Variants in ZNF136 observed in about 807,000 individuals in gnomAD.
ZNF136 encodes the protein zinc finger protein 136.
A neutral mutation model predicts 11.4 loss-of-function variants in ZNF136; 8 were observed. That is an observed-to-expected ratio of 0.70 (90% CI 0.41 to 1.27). The LOEUF (loss-of-function observed/expected upper bound fraction) is 1.27, where lower values mean the gene tolerates loss of function less well. Ranked by LOEUF, ZNF136 falls within the 50% of genes most tolerant of loss-of-function variation. ZNF136 has a pLI of 0.01. For synonymous variants in ZNF136, 190 were observed against 207.1 expected, an observed-to-expected ratio of 0.92 and a Z score of 0.71; for missense variants, 590 against 656.5, an observed-to-expected ratio of 0.90 and a Z score of 1.11.
chr19:12,184,272 AAAAG>A (rs1444651766), intron 1 of ZNF136, among the ~76,000 whole-genome samples: 1 of 138,908 alleles, frequency 7.2e-6, no homozygotes, highest in African/African-American at 2.7e-5. Flanking sequence ...TCCAAAAAAA[AAAAG>A]AGGGCTGGGT....
At position 12,186,643 on chromosome 19, in the gene ZNF136, A is replaced by G; in HGVS notation, c.265A>G (p.Asn89Asp). The G allele has an allele frequency of 1.2e-6, 2 of 1,614,168 alleles. No homozygotes were observed. Among genetic ancestry groups the G allele is most frequent in the African/African-American group, 2.7e-5 (2 of 75,056 alleles). The change falls in exon 4 of 4, where the codon AAT becomes GAT. Residue 89 changes from asparagine (N) to aspartate (D), a missense_variant. Transcript: ENST00000343979. ...TGGAGGAATTTTTAGCCAGTTTGCA[A>G]ATCAGAATCTGAGCAAGAAAATCCC... ...QRGGIFSQFA[N>D]QNLSKKIPGV...
rs774530109 is a variant in ZNF136, at chr19:12,187,567, T to C, written c.1189T>C (p.Cys397Arg). The C allele has an allele frequency of 6.2e-7, 1 of 1,614,166 alleles. No individual in the cohort carries two copies. Among genetic ancestry groups the C allele is most frequent in the Admixed American group, 1.7e-5 (1 of 60,020 alleles). ...TGEGPYKCKV[C>R]GKPFHSLSPF... ...AGAAGGACCTTATAAATGTAAGGTA[T>C]GTGGGAAACCCTTTCATTCTCTGAG... is the stretch of plus-strand genomic sequence containing the variant. The change falls in exon 4 of 4, where the codon TGT becomes CGT. Residue 397 changes from cysteine to arginine, a missense_variant. By Grantham distance (180) the Cys-to-Arg change is radical (BLOSUM62 -3). Transcript: ENST00000343979.
intron 1 of ZNF136, among the ~76,000 whole-genome samples, chr19:12,174,892 C>G (rs947081448): frequency 3.1e-5 from 4 of 129,392 alleles, no homozygotes; most frequent in Non-Finnish European, 6.2e-5. Context: ...GAATCTTGCT[C>G]TGTTGCCCAG....
intron 1 of ZNF136, among the ~76,000 whole-genome samples, chr19:12,166,747 C>T (rs770430900): frequency 5.3e-5 from 8 of 152,130 alleles, no homozygotes; most frequent in Admixed American, 2.0e-4. Flanking sequence ...TGTAAATGTG[C>T]CTTAATTTTC....
At chr19:12,175,195 G>T (rs1012609025) in intron 1 of ZNF136, among the ~76,000 whole-genome samples, 3 of 142,838 alleles carry the variant, frequency 2.1e-5, no homozygotes, top group South Asian at 2.2e-4. Context: ...GTTTTCTTTC[G>T]ATTTTTTTTT....
At chr19:12,181,791 C>T (rs747190623) in intron 1 of ZNF136, among the ~76,000 whole-genome samples, 3 of 152,134 alleles carry the variant, frequency 2.0e-5, no homozygotes, top group South Asian at 2.1e-4. Context: ...CCCACCACTA[C>T]GCCCGGCTAA....
At chr19:12,186,001 A>G in intron 2 of ZNF136, 90 bp downstream of exon 2, 9 of 1,600,046 alleles carry the variant, frequency 5.6e-6, no homozygotes, top group Non-Finnish European at 7.7e-6. Flanking sequence ...TCATGGAGGG[A>G]GAGTACTTGG....
chr19:12,163,237 AG>A (rs778767340), intron 1 of ZNF136, 31 bp downstream of exon 1: 6 of 1,374,416 alleles, frequency 4.4e-6, no homozygotes, highest in East Asian at 5.5e-5. Context: ...GTCCCGAGAC[AG>A]GGAGGAGGGG....
chr19:12,169,032 TGAG>T (rs929226743), intron 1 of ZNF136, among the ~76,000 whole-genome samples: 5 of 152,164 alleles, frequency 3.3e-5, no homozygotes, highest in African/African-American at 1.2e-4. Flanking sequence ...TTATTGAAAT[TGAG>T]GAGCGTTTGT....
chr19:12,182,301 G>C (rs1473463966), intron 1 of ZNF136, among the ~76,000 whole-genome samples: 1 of 151,962 alleles, frequency 6.6e-6, no homozygotes, highest in African/African-American at 2.4e-5. Context: ...TTGCATTGAG[G>C]TTCCCCTTTG....
chr19:12,172,016 C>G (rs1168798388), intron 1 of ZNF136, among the ~76,000 whole-genome samples: 1 of 147,624 alleles, frequency 6.8e-6, no homozygotes, highest in East Asian at 2.0e-4. Context: ...TCTCGCTCTG[C>G]CACCCAGGCT....
chr19:12,164,785 C>A (rs1236163240), intron 1 of ZNF136: 2 of 152,136 alleles, frequency 1.3e-5, no homozygotes, highest in Non-Finnish European at 2.9e-5. Context: ...TTTAAATGAA[C>A]GGGCACATAG....
At chr19:12,163,293 C>T in intron 1 of ZNF136, 87 bp downstream of exon 1, 1 of 1,317,754 alleles carries the variant, frequency 7.6e-7, no homozygotes, top group East Asian at 2.8e-5. Context: ...CCGGGCCTTC[C>T]CGTGGGCGAC....
intron 1 of ZNF136, among the ~76,000 whole-genome samples, chr19:12,168,652 C>A (rs1331419036): frequency 6.6e-6 from 1 of 151,770 alleles, no homozygotes; most frequent in Non-Finnish European, 1.5e-5. Flanking sequence ...TCATATATAT[C>A]TTTTCCATTT....
chr19:12,185,939 G>A (rs1286180277), intron 2 of ZNF136, 28 bp downstream of exon 2: 1 of 1,610,658 alleles, frequency 6.2e-7, no homozygotes, highest in Admixed American at 1.7e-5. Context: ...CCATCACTTA[G>A]CAATTAAAGA....
In ZNF136 at chr19:12,187,657, A is replaced by T; in HGVS notation, c.1279A>T (p.Lys427Ter). 1 of 1,614,168 alleles carries T rather than the reference A, an allele frequency of 6.2e-7. No homozygotes were observed. Among genetic ancestry groups the T allele is most frequent in the Non-Finnish European group, 8.5e-7 (1 of 1,180,022 alleles). Residue 427 changes from lysine to a stop codon, truncating the protein, a stop_gained, in exon 4 of 4, where the codon AAA becomes TAA. Coordinates refer to ENST00000343979, the MANE Select transcript of ZNF136 (RefSeq NM_003437.5). LOFTEE classifies it low-confidence loss of function (END_TRUNC). ...ACCTTATGTATGTAAACATTGTGGTAAAGCTTTCGTTTCTTCAACATCAAT... is the reference window on the plus strand; with the variant it reads ...ACCTTATGTATGTAAACATTGTGGTTAAGCTTTCGTTTCTTCAACATCAAT... Reference protein sequence around the residue: ...EKPYVCKHCGKAFVSSTSIRI... With the variant: ...EKPYVCKHCG
chr19:12,185,735 G>A lies in ZNF136; in HGVS notation c.4-50G>A, dbSNP rs142119990. On this transcript the variant is annotated intron_variant, in intron 1 of 3. Transcript: ENST00000343979. ...CTTATGAATTGAGTACAGCTCCCCA[G>A]CCCTGTCTGTCTCACCCATTCTCCT... 473 of 1,594,564 alleles carry A rather than the reference G, an allele frequency of 3.0e-4. 2 individuals carry two copies. The African/African-American group carries it at 5.9e-3, about 20-fold the overall frequency.
In ZNF136 at chr19:12,186,153, A is replaced by G. The variant is rs1915077096; in HGVS notation, c.170A>G (p.Lys57Arg). Residue 57 changes from lysine to arginine, a missense_variant, in exon 3 of 4, where the codon AAA becomes AGA. Lys to Arg is a conservative substitution (Grantham distance 26). Coordinates refer to ENST00000343979, the MANE Select transcript of ZNF136 (RefSeq NM_003437.5). ...GACCAGAACATTAAAGATCACTACA[A>G]ACACCGAGGGAGAAATCTAAGGTAA... is the stretch of plus-strand genomic sequence containing the variant. ...WKDQNIKDHY[K>R]HRGRNLRSHM... 1 of 1,611,224 alleles carries G rather than the reference A, an allele frequency of 6.2e-7. No individual in the cohort carries two copies. The highest frequency in any genetic ancestry group is 8.5e-7 in the Non-Finnish European group (1 of 1,179,342).
intron 1 of ZNF136, among the ~76,000 whole-genome samples, chr19:12,181,782 C>G (rs1914949542): frequency 6.6e-6 from 1 of 152,036 alleles, no homozygotes. Flanking sequence ...CTACAGGCAC[C>G]CACCACTACG....
Sources: gnomAD v4.1 joint callset for allele counts (sites outside exome capture counted in the v4.1 genomes callset) on GRCh38, gnomAD v4.1.1 for gene constraint, MANE v1.5 for transcripts, NCBI Gene and HGNC (gene_info 2026-07-23, HGNC 2026-07-21) for gene names.